SLC35D4: variants seen among roughly 807,000 people sequenced by gnomAD.
The protein encoded by SLC35D4 is UDP-N-acetylglucosamine transporter SLC35D4.
the SLC35D4 span, among the ~76,000 whole-genome samples, chr18:23,240,282 A>G: frequency 6.6e-6 from 1 of 152,178 alleles, no homozygotes; most frequent in Non-Finnish European, 1.5e-5. Context: ...GCCCAGTGGA[A>G]AGACCCCAAA....
chr18:23,432,730 G>A, the SLC35D4 span, among the ~76,000 whole-genome samples: 1 of 150,460 alleles, frequency 6.6e-6, no homozygotes, highest in African/African-American at 2.4e-5. Flanking sequence ...AGCCATTGAC[G>A]CCTGTAATTC....
the SLC35D4 span, among the ~76,000 whole-genome samples, chr18:23,247,936 C>T: frequency 2.0e-3 from 300 of 152,356 alleles, no homozygotes; most frequent in South Asian, 6.2e-3. Context: ...TGCTCATGGG[C>T]CCTCCCTGCC....
the SLC35D4 span, chr18:23,297,945 T>A: frequency 5.2e-4 from 822 of 1,585,622 alleles, 2 homozygotes; most frequent in South Asian, 1.5e-3. Context: ...CAGGGGCTCG[T>A]ACACAGGTGT....
At chr18:23,291,608 T>C in the SLC35D4 span, among the ~76,000 whole-genome samples, 2 of 151,704 alleles carry the variant, frequency 1.3e-5, no homozygotes, top group Non-Finnish European at 2.9e-5. Flanking sequence ...CTGGGCTCAG[T>C]GGGGCCTGTC....
the SLC35D4 span, among the ~76,000 whole-genome samples, chr18:23,367,046 A>C: frequency 6.6e-6 from 1 of 152,086 alleles, no homozygotes; most frequent in African/African-American, 2.4e-5. Context: ...TTTTGGTTAT[A>C]ACTTCAGGAG....
At chr18:23,239,745 G>GAGT in the SLC35D4 span, among the ~76,000 whole-genome samples, 3 of 152,184 alleles carry the variant, frequency 2.0e-5, no homozygotes, top group African/African-American at 4.8e-5. Flanking sequence ...CTCCACCTTG[G>GAGT]AGTGAGTGGG....
the SLC35D4 span, among the ~76,000 whole-genome samples, chr18:23,252,313 G>A: frequency 6.6e-6 from 1 of 152,182 alleles, no homozygotes; most frequent in African/African-American, 2.4e-5. Context: ...ACAACTATGC[G>A]AATGTTCTTA....
the SLC35D4 span, among the ~76,000 whole-genome samples, chr18:23,249,211 T>C: frequency 6.6e-6 from 1 of 152,258 alleles, no homozygotes; most frequent in East Asian, 1.9e-4. Context: ...GAATTGTTTT[T>C]GGAATCCTAG....
At chr18:23,385,457 A>T in the SLC35D4 span, among the ~76,000 whole-genome samples, 1 of 152,226 alleles carries the variant, frequency 6.6e-6, no homozygotes, top group Non-Finnish European at 1.5e-5. Flanking sequence ...GAGGACTTGG[A>T]CTACAAAGTG....
At chr18:23,265,626 T>C in the SLC35D4 span, among the ~76,000 whole-genome samples, 1 of 149,674 alleles carries the variant, frequency 6.7e-6, no homozygotes, top group Non-Finnish European at 1.5e-5. Flanking sequence ...AGCAGCCCAA[T>C]GGGCACTTCC....
the SLC35D4 span, chr18:23,377,005 A>G: frequency 4.4e-6 from 2 of 455,122 alleles, no homozygotes; most frequent in South Asian, 3.1e-5. Context: ...TCTGCAGTAG[A>G]AATCCTAAAT....
the SLC35D4 span, among the ~76,000 whole-genome samples, chr18:23,395,230 C>T: frequency 6.6e-6 from 1 of 152,160 alleles, no homozygotes; most frequent in Admixed American, 6.6e-5. Context: ...CCAACATTTA[C>T]ACTCTTCCTT....
chr18:23,331,193 C>G, the SLC35D4 span: 1 of 152,284 alleles, frequency 6.6e-6, no homozygotes, highest in East Asian at 1.9e-4. Context: ...AAAGCGCGCC[C>G]GTGTGGGGCA....
chr18:23,330,267 G>C, the SLC35D4 span, among the ~76,000 whole-genome samples: 88 of 152,068 alleles, frequency 5.8e-4, no homozygotes, highest in African/African-American at 2.1e-3. Flanking sequence ...AAAACCTCAG[G>C]AATGTGTGTA....
chr18:23,239,696 T>C, the SLC35D4 span, among the ~76,000 whole-genome samples: 3 of 152,214 alleles, frequency 2.0e-5, no homozygotes, highest in Non-Finnish European at 4.4e-5. Context: ...CAAGCTTCCT[T>C]ACCCAGTAGA....
the SLC35D4 span, among the ~76,000 whole-genome samples, chr18:23,301,478 C>G: frequency 2.0e-5 from 3 of 152,152 alleles, no homozygotes; most frequent in Non-Finnish European, 4.4e-5. Flanking sequence ...GAAATCTTTA[C>G]TCAAAGATTA....
At chr18:23,376,683 G>T in the SLC35D4 span, 1 of 431,674 alleles carries the variant, frequency 2.3e-6, no homozygotes, top group South Asian at 1.7e-5. Flanking sequence ...AGGCTTTATA[G>T]AATAGAGGAT....
the SLC35D4 span, among the ~76,000 whole-genome samples, chr18:23,317,154 TACAC>T: frequency 1.8e-4 from 27 of 149,910 alleles, no homozygotes; most frequent in Non-Finnish European, 2.5e-4. Context: ...TGGGAGAAGT[TACAC>T]ACACACACAC....
the SLC35D4 span, among the ~76,000 whole-genome samples, chr18:23,335,987 C>T: frequency 4.0e-5 from 6 of 151,842 alleles, no homozygotes; most frequent in South Asian, 2.1e-4. Flanking sequence ...GAATTGTTAT[C>T]CTATTTTTGC....
Sources: gnomAD v4.1 joint callset for allele counts (sites outside exome capture counted in the v4.1 genomes callset) on GRCh38, gnomAD v4.1.1 for gene constraint, MANE v1.5 for transcripts, NCBI Gene and HGNC (gene_info 2026-07-23, HGNC 2026-07-21) for gene names.